The following SORL1 variants were observed in gnomAD, a reference collection of about 807,000 sequenced individuals.
SORL1 encodes the protein sortilin related receptor 1.
A neutral mutation model predicts 273.7 loss-of-function variants in SORL1; 127 were observed. The observed-to-expected ratio is 0.46, with a 90% confidence interval of 0.40 to 0.54. The LOEUF (loss-of-function observed/expected upper bound fraction) is 0.54. SORL1 is among the 20% of genes least tolerant of loss of function. The pLI, the probability that SORL1 is intolerant of heterozygous loss-of-function variation, is 0.00. For synonymous variants in SORL1, 1,031 were observed against 1,067.4 expected, an observed-to-expected ratio of 0.97 and a Z score of 0.66; for missense variants, 2,494 against 2,846.1, an observed-to-expected ratio of 0.88 and a Z score of 2.81.
At chr11:121,524,876 C>T (rs1862097332) in intron 11 of SORL1, among the ~76,000 whole-genome samples, 1 of 151,776 alleles carries the variant, frequency 6.6e-6, no homozygotes, top group Admixed American at 6.6e-5. Flanking sequence ...ACATTTCCAT[C>T]TGCAAATTCT....
chr11:121,495,375 T>C (rs976791248), intron 5 of SORL1, among the ~76,000 whole-genome samples: 6 of 152,218 alleles, frequency 3.9e-5, no homozygotes, highest in Admixed American at 3.9e-4. Flanking sequence ...GGATTACAGG[T>C]GTGACCCACT....
Position 121,483,690 on chromosome 11 carries a change from C to G in SORL1, c.529-4342C>G, listed in dbSNP as rs111646342. On this transcript the variant is annotated intron_variant, in intron 3 of 47. Transcript: ENST00000260197. ...CTCTTGGTCAGTCTGTAGGTTTGGC[C>G]TCCAGTAAACTTGACAGCCAGGCAG... is the stretch of plus-strand genomic sequence containing the variant. Among the ~76,000 whole-genome samples, 793 of 152,218 alleles carry G rather than the reference C, an allele frequency of 5.2e-3. 7 individuals are homozygous for G. The highest frequency in any genetic ancestry group is 0.018 in the African/African-American group (760 of 41,522).
In SORL1 at chr11:121,605,430, C is replaced by G; in HGVS notation, c.4807C>G (p.Leu1603Val). 6.2e-7 allele frequency: 1 copy of G among 1,613,656 alleles called. No homozygotes were observed. The highest frequency in any genetic ancestry group is 8.5e-7 in the Non-Finnish European group (1 of 1,179,698). ...RVVGESIWKT[L>V]ETHSNKTNTV... Reference sequence around the variant, plus strand: ...GGTTGGAGAGAGCATATGGAAGACTCTGGAGACCCACAGCAATAAGACAAA... The same window carrying G: ...GGTTGGAGAGAGCATATGGAAGACTGTGGAGACCCACAGCAATAAGACAAA... The change falls in exon 35 of 48, where the codon CTG (leucine) becomes GTG (valine). Residue 1603 changes from leucine to valine, a missense_variant. By Grantham distance (32) the Leu-to-Val change is conservative (BLOSUM62 1). This residue lies in a region of SORL1 where 1,609 missense variants were observed against 1,816.4 expected (regional missense o/e 0.89). Coordinates refer to ENST00000260197, the MANE Select transcript of SORL1 (RefSeq NM_003105.6).
intron 1 of SORL1, among the ~76,000 whole-genome samples, chr11:121,462,748 C>T (rs973571619): frequency 1.3e-5 from 2 of 152,060 alleles, no homozygotes; most frequent in Non-Finnish European, 2.9e-5. Flanking sequence ...CCAGGCCCGT[C>T]TAGTTTTTGT....
intron 45 of SORL1, among the ~76,000 whole-genome samples, chr11:121,623,569 T>C (rs75684260): frequency 0.021 from 3,235 of 152,352 alleles, 117 homozygotes; most frequent in East Asian, 0.11. Flanking sequence ...TTATTTTCTT[T>C]ATAACCTTTG....
intron 6 of SORL1, among the ~76,000 whole-genome samples, chr11:121,508,806 C>T (rs1861826363): frequency 6.6e-6 from 1 of 152,190 alleles, no homozygotes; most frequent in Non-Finnish European, 1.5e-5. Flanking sequence ...CCCTTTATTT[C>T]ATTTGCAGAA....
intron 2 of SORL1, among the ~76,000 whole-genome samples, chr11:121,470,998 C>T (rs925557680): frequency 1.3e-5 from 2 of 152,196 alleles, no homozygotes; most frequent in Admixed American, 6.5e-5. Context: ...CATTACAACA[C>T]TCTACCTCCT....
At position 121,583,621 on chromosome 11, in the gene SORL1, C is replaced by T. The variant is rs756637575; in HGVS notation, c.3706+38C>T. Reference sequence around the variant, plus strand: ...TCCCCAGCTCCCTCCCTGAGCCTCCCCAGTGTCTGCTGTTCAGGAAGAGAG... The same window carrying T: ...TCCCCAGCTCCCTCCCTGAGCCTCCTCAGTGTCTGCTGTTCAGGAAGAGAG... On this transcript the variant is annotated intron_variant, in intron 26 of 47. Coordinates refer to ENST00000260197, the MANE Select transcript of SORL1 (RefSeq NM_003105.6). 1.8e-5 allele frequency: 29 copies of T among 1,573,112 alleles called. 1 individual carries two copies. In the Middle Eastern group the frequency reaches 2.1e-3, roughly 114 times the overall value.
At chr11:121,619,149 AT>A in intron 42 of SORL1, among the ~76,000 whole-genome samples, 1 of 152,298 alleles carries the variant, frequency 6.6e-6, no homozygotes. Context: ...TAAATCAAAA[AT>A]TTTTATCAGG....
Position 121,571,376 on chromosome 11 carries a change from G to A in SORL1, c.3337+1106G>A, listed in dbSNP as rs545456377. 3.9e-4 allele frequency among the ~76,000 whole-genome samples: 60 copies of A among 152,350 alleles called. 1 individual carries two copies. Among genetic ancestry groups the A allele is most frequent in the African/African-American group, 1.3e-3 (56 of 41,586 alleles). On this transcript the variant is annotated intron_variant, in intron 23 of 47. Coordinates refer to ENST00000260197, the MANE Select transcript of SORL1 (RefSeq NM_003105.6). Reference sequence around the variant, plus strand: ...AGGTGAAGTTAGATGAGTGGGCAGCGCCCAGGACAGCAAGGGCTTTGTGGA... The same window carrying A: ...AGGTGAAGTTAGATGAGTGGGCAGCACCCAGGACAGCAAGGGCTTTGTGGA...
At chr11:121,461,390 G>A (rs1860998650) in intron 1 of SORL1, among the ~76,000 whole-genome samples, 1 of 152,176 alleles carries the variant, frequency 6.6e-6, no homozygotes, top group South Asian at 2.1e-4. Flanking sequence ...GGGGAGTTTA[G>A]CTAGCAGACC....
chr11:121,619,433 G>A (rs1591356531), intron 42 of SORL1, among the ~76,000 whole-genome samples: 1 of 152,182 alleles, frequency 6.6e-6, no homozygotes, highest in Non-Finnish European at 1.5e-5. Flanking sequence ...CATAATATGT[G>A]TGCCATTTTC....
At chr11:121,475,401 C>A (rs1036575611) in intron 2 of SORL1, among the ~76,000 whole-genome samples, 1 of 152,234 alleles carries the variant, frequency 6.6e-6, no homozygotes, top group Non-Finnish European at 1.5e-5. Context: ...CGGACTCTTA[C>A]ATACTTGCTT....
At position 121,539,373 on chromosome 11, in the gene SORL1, G is replaced by A. The variant is rs560511368; in HGVS notation, c.1686-4175G>A. ...ATAAACTGTTTCATAATCCATTCTT[G>A]AAACCACCTTTTCTTCATTAAGGAA... On this transcript the variant is annotated intron_variant, in intron 12 of 47. Coordinates refer to ENST00000260197, the MANE Select transcript of SORL1 (RefSeq NM_003105.6). 2.0e-5 allele frequency among the ~76,000 whole-genome samples: 3 copies of A among 152,212 alleles called. No individual in the cohort carries two copies. The East Asian group carries it at 5.8e-4, about 29-fold the overall frequency.
intron 41 of SORL1, among the ~76,000 whole-genome samples, chr11:121,616,073 A>G (rs1503414): frequency 0.012 from 1,774 of 152,162 alleles, 43 homozygotes; most frequent in African/African-American, 0.04. Context: ...CTATCCCCGG[A>G]GCTCTCTTTT....
Position 121,621,105 on chromosome 11 carries a change from C to T in SORL1, c.5931C>T (p.Asp1977=), listed in dbSNP as rs774820794. Residue 1977 remains aspartate, a synonymous_variant, in exon 44 of 48, where the codon GAC becomes GAT. Transcript: ENST00000260197. ...VAVKDLIRKT[D]RSYKVKSRNS... ...TCAAAGATCTCATAAGAAAGACTGA[C>T]AGGAGCTACAAAGTAAAATCCCGTA... 3 of 1,613,312 alleles carry T rather than the reference C, an allele frequency of 1.9e-6. No individual in the cohort carries two copies. Among genetic ancestry groups the T allele is most frequent in the South Asian group, 1.1e-5 (1 of 90,978 alleles).
At chr11:121,523,498 G>T (rs1259111367) in intron 11 of SORL1, among the ~76,000 whole-genome samples, 1 of 152,006 alleles carries the variant, frequency 6.6e-6, no homozygotes, top group African/African-American at 2.4e-5. Context: ...TTTGCCTTAA[G>T]GTTGTATAAC....
chr11:121,612,814 A>G lies in SORL1; in HGVS notation c.5401A>G (p.Ser1801Gly). 6.2e-7 allele frequency: 1 copy of G among 1,613,586 alleles called. No individual in the cohort carries two copies. The highest frequency in any genetic ancestry group is 8.5e-7 in the Non-Finnish European group (1 of 1,179,518). Reference protein sequence around the residue: ...QERRTLNFRGSILSHKVGNLT... With the variant: ...QERRTLNFRGGILSHKVGNLT... ...GAGGAGAACTTTGAACTTCCGAGGA[A>G]GCATATTGTCACACAAAGGTAACAC... Residue 1801 changes from serine to glycine, a missense_variant, in exon 40 of 48, where the codon AGC becomes GGC. By Grantham distance (56) the Ser-to-Gly change is moderately conservative (BLOSUM62 0). This residue lies in a region of SORL1 where 1,609 missense variants were observed against 1,816.4 expected (regional missense o/e 0.89). Coordinates refer to ENST00000260197, the MANE Select transcript of SORL1 (RefSeq NM_003105.6).
At chr11:121,582,788 T>C (rs1257503104) in intron 25 of SORL1, among the ~76,000 whole-genome samples, 1 of 152,236 alleles carries the variant, frequency 6.6e-6, no homozygotes, top group African/African-American at 2.4e-5. Context: ...AGGCCTGCTT[T>C]CTTTGTGATT....
Sources: allele counts gnomAD v4.1 joint callset (sites outside exome capture counted in the v4.1 genomes callset), GRCh38; gene constraint gnomAD v4.1.1; regional missense constraint gnomAD v4.1.1; transcripts MANE v1.5; gene names NCBI Gene and HGNC (gene_info 2026-07-23, HGNC 2026-07-21).